The following EDA variants were observed in gnomAD, a reference collection of about 807,000 sequenced individuals.
EDA encodes the protein ectodysplasin-A.
In EDA, 2 loss-of-function variants were observed where a neutral mutation model predicts 23.6. The ratio of observed to expected loss-of-function variants is 0.08; its 90% CI spans 0.03 to 0.27. EDA has a LOEUF of 0.27. EDA is among the 10% of genes least tolerant of loss of function. EDA has a pLI of 1.00. For missense variants in EDA, 229 were observed against 324.2 expected (o/e 0.71, Z 2.26); for synonymous variants, 131 against 132.0 (o/e 0.99, Z 0.05).
intron 1 of EDA, among the ~76,000 whole-genome samples, chrX:69,948,305 C>T (rs1487206223): frequency 8.9e-6 from 1 of 112,177 alleles, no homozygotes; most frequent in Non-Finnish European, 1.9e-5. Flanking sequence ...AGTCAAACTG[C>T]CTAGGAAGCA....
At chrX:69,897,800 G>A (rs776304974) in intron 1 of EDA, among the ~76,000 whole-genome samples, 8 of 111,688 alleles carry the variant, frequency 7.2e-5, no homozygotes, top group African/African-American at 1.9e-4. Flanking sequence ...CTAGTGCAAC[G>A]TGTCAGAGCT....
At chrX:69,816,879 G>A (rs766687795) in intron 1 of EDA, among the ~76,000 whole-genome samples, 20 of 110,623 alleles carry the variant, frequency 1.8e-4, no homozygotes, top group African/African-American at 6.6e-4. Flanking sequence ...AATACCCCAC[G>A]AGAAGATTGA....
chrX:69,836,388 G>A (rs867983513), intron 1 of EDA, among the ~76,000 whole-genome samples: 33 of 112,420 alleles, frequency 2.9e-4, no homozygotes, highest in African/African-American at 7.1e-4. Context: ...GGTGGGCACC[G>A]CCCAGTTCAA....
chrX:69,631,816 T>G (rs1441735589), intron 1 of EDA, among the ~76,000 whole-genome samples: 1 of 111,209 alleles, frequency 9.0e-6, no homozygotes, highest in Admixed American at 9.6e-5. Flanking sequence ...GACAGAAAGA[T>G]AAAATAAGTT....
chrX:69,770,147 A>G (rs893266785), intron 1 of EDA, among the ~76,000 whole-genome samples: 1 of 112,201 alleles, frequency 8.9e-6, no homozygotes, highest in African/African-American at 3.2e-5. Flanking sequence ...GTTAAAGGAC[A>G]TTGATCTATT....
intron 1 of EDA, among the ~76,000 whole-genome samples, chrX:69,810,945 A>G (rs2015942483): frequency 9.0e-6 from 1 of 111,577 alleles, no homozygotes; most frequent in African/African-American, 3.3e-5. Context: ...GCTGTCTTCT[A>G]TAAGGGCTTG....
At chrX:69,625,189 ATTT>A (rs1287256370) in intron 1 of EDA, among the ~76,000 whole-genome samples, 4 of 111,291 alleles carry the variant, frequency 3.6e-5, no homozygotes, top group African/African-American at 1.3e-4. Context: ...ATATAATACA[ATTT>A]CATAAAGCAA....
chrX:69,896,407 G>A (rs1296947433), intron 1 of EDA, among the ~76,000 whole-genome samples: 1 of 107,984 alleles, frequency 9.3e-6, no homozygotes, highest in Non-Finnish European at 1.9e-5. Context: ...CAGTGTGTGT[G>A]TGTGTGTGTG....
intron 1 of EDA, among the ~76,000 whole-genome samples, chrX:69,679,291 G>T (rs1440962219): frequency 2.9e-5 from 3 of 103,609 alleles, no homozygotes; most frequent in Non-Finnish European, 4.0e-5. Flanking sequence ...CTCTTTTTTG[G>T]TTGTGTCTCT....
At chrX:69,809,064 G>C (rs1345582935) in intron 1 of EDA, among the ~76,000 whole-genome samples, 1 of 111,542 alleles carries the variant, frequency 9.0e-6, no homozygotes, top group Non-Finnish European at 1.9e-5. Flanking sequence ...TAACCTGATG[G>C]TGGTGGTGGG....
chrX:69,836,264 T>C (rs2016771518), intron 1 of EDA, among the ~76,000 whole-genome samples: 1 of 112,443 alleles, frequency 8.9e-6, no homozygotes, highest in African/African-American at 3.2e-5. Context: ...ACTGCTCTCT[T>C]CAGAGCTGTC....
intron 1 of EDA, among the ~76,000 whole-genome samples, chrX:69,618,003 C>T (rs760853178): frequency 2.7e-5 from 3 of 110,273 alleles, no homozygotes; most frequent in Non-Finnish European, 5.7e-5. Flanking sequence ...ATTTATATAA[C>T]AGCTTATCAA....
In EDA at chrX:69,905,117, G is replaced by A. The variant is rs193059808; in HGVS notation, c.397-51910G>A. 2.0e-4 allele frequency among the ~76,000 whole-genome samples: 22 copies of A among 112,134 alleles called. 1 individual carries two copies. The East Asian group carries it at 6.2e-3, about 32-fold the overall frequency. ...AAGAACCTCTATACTGTTCTTCATA[G>A]TGGCTGTACTAACTTACATTCCCAC... On this transcript the variant is annotated intron_variant, in intron 1 of 7. Coordinates refer to ENST00000374552, the MANE Select transcript of EDA (RefSeq NM_001399.5).
intron 1 of EDA, among the ~76,000 whole-genome samples, chrX:69,871,602 T>C (rs1159289053): frequency 8.9e-6 from 1 of 111,936 alleles, no homozygotes; most frequent in African/African-American, 3.2e-5. Context: ...TAAGGGTGGA[T>C]CTGCCTTCCC....
rs1038597566 is a variant in EDA at position 70,037,805 on chromosome X, T to C, written c.*2196T>C. ...CTCTGTGGCAAAAAGAGTCAGACAT[T>C]TCTTTGGAAAACAGCGAACAGCCTT... On this transcript the variant is annotated 3_prime_UTR_variant, in exon 8 of 8. Coordinates refer to ENST00000374552, the MANE Select transcript of EDA (RefSeq NM_001399.5). 1 of 111,927 alleles carries C rather than the reference T, an allele frequency of 8.9e-6. No individual in the cohort carries two copies. Among genetic ancestry groups the C allele is most frequent in the Non-Finnish European group, 1.9e-5 (1 of 53,151 alleles). The allele number at this position is 111,927 out of a possible 1,213,427, so 9.2% of individuals were successfully genotyped here. A position where few individuals can be genotyped will look rare whatever the true frequency, so the allele number is the denominator to read the frequency against.
At chrX:70,002,327 GA>G (rs1230248863) in intron 2 of EDA, among the ~76,000 whole-genome samples, 214 of 101,316 alleles carry the variant, frequency 2.1e-3, no homozygotes, top group South Asian at 5.7e-3. Context: ...ATTTCATAAT[GA>G]AAAAAAAAAA....
intron 1 of EDA, among the ~76,000 whole-genome samples, chrX:69,870,835 CCA>C (rs764169235): frequency 2.2e-4 from 24 of 111,484 alleles, no homozygotes; most frequent in Non-Finnish European, 4.1e-4. Context: ...GTCTGTTTTT[CCA>C]CAGTTTCAGC....
At chrX:70,032,657 T>A (rs2020216392) in intron 6 of EDA, among the ~76,000 whole-genome samples, 1 of 111,270 alleles carries the variant, frequency 9.0e-6, no homozygotes. Flanking sequence ...CACCCCTGCC[T>A]GGGGTGGGGC....
intron 1 of EDA, among the ~76,000 whole-genome samples, chrX:69,764,316 C>T (rs1430777249): frequency 1.1e-5 from 1 of 93,252 alleles, no homozygotes. Flanking sequence ...AATCTCAGCT[C>T]ACTGCAACCT....
Sources: gnomAD v4.1 joint callset for allele counts (sites outside exome capture counted in the v4.1 genomes callset) on GRCh38, gnomAD v4.1.1 for gene constraint, MANE v1.5 for transcripts, NCBI Gene and HGNC (gene_info 2026-07-23, HGNC 2026-07-21) for gene names.